The following ANK3 variants were observed in gnomAD, a reference collection of about 807,000 sequenced individuals.
ANK3 encodes the protein ankyrin-3.
In ANK3, 57 loss-of-function variants were observed where a neutral mutation model predicts 370.9. That is an observed-to-expected ratio of 0.15 (90% confidence interval 0.12 to 0.19). The LOEUF is 0.19. Among genes scored for constraint, ANK3 ranks in the 10% least tolerant of loss-of-function variants. The pLI is 1.00. For missense variants in ANK3, 4,439 were observed against 5,302.1 expected, an observed-to-expected ratio of 0.84 and a Z score of 5.06; for synonymous variants, 1,929 against 1,946.3, an observed-to-expected ratio of 0.99 and a Z score of 0.23.
At chr10:60,108,794 G>A in intron 27 of ANK3, 36 bp downstream of exon 27, 1 of 1,578,350 alleles carries the variant, frequency 6.3e-7, no homozygotes, top group South Asian at 1.1e-5. Context: ...AAGATGCATT[G>A]TGAGGGCCAA....
intron 2 of ANK3, among the ~76,000 whole-genome samples, chr10:60,559,161 T>C (rs1014721615): frequency 1.3e-5 from 2 of 152,140 alleles, no homozygotes; most frequent in East Asian, 3.9e-4. Context: ...GAACGGGTGG[T>C]GTTTGGTTAC....
intron 2 of ANK3, among the ~76,000 whole-genome samples, chr10:60,421,507 G>A (rs946893198): frequency 6.6e-6 from 1 of 151,940 alleles, no homozygotes; most frequent in South Asian, 2.1e-4. Context: ...GAGAAATCAG[G>A]TTTTGATTTC....
rs2062891794 is a variant in ANK3, at chr10:60,389,424, C to A, written c.114+1G>T. 3 of 1,613,580 alleles carry A rather than the reference C, an allele frequency of 1.9e-6. No individual in the cohort carries two copies. The highest frequency in any genetic ancestry group is 1.7e-6 in the Non-Finnish European group (2 of 1,179,766). On this transcript the variant is annotated splice_donor_variant, in intron 1 of 43. Transcript: ENST00000280772. LOFTEE classifies it high-confidence loss of function. ...ATATATGCTCTGGCATACATAGATACCTTTTTCTTCCGATCCCGGGACCGT... is the reference window on the plus strand; with the variant it reads ...ATATATGCTCTGGCATACATAGATAACTTTTTCTTCCGATCCCGGGACCGT...
At chr10:60,502,501 T>C (rs936517742) in intron 2 of ANK3, among the ~76,000 whole-genome samples, 1 of 152,140 alleles carries the variant, frequency 6.6e-6, no homozygotes, top group Non-Finnish European at 1.5e-5. Flanking sequence ...TGTAAAACAT[T>C]TGGCAGAATA....
At chr10:60,698,076 C>G (rs939545998) in intron 1 of ANK3, among the ~76,000 whole-genome samples, 5 of 152,048 alleles carry the variant, frequency 3.3e-5, no homozygotes, top group African/African-American at 1.2e-4. Flanking sequence ...CAAACCCCAT[C>G]AAAAAGTGGG....
At chr10:60,117,356 T>C (rs2093167063) in intron 25 of ANK3, among the ~76,000 whole-genome samples, 1 of 152,148 alleles carries the variant, frequency 6.6e-6, no homozygotes, top group African/African-American at 2.4e-5. Context: ...AAGAAAGCTC[T>C]AAGCGAGATG....
chr10:60,231,671 A>T (rs1464024158), intron 8 of ANK3, among the ~76,000 whole-genome samples: 1 of 152,110 alleles, frequency 6.6e-6, no homozygotes, highest in Non-Finnish European at 1.5e-5. Flanking sequence ...TCAGCAGGAG[A>T]GAAGGGACAT....
In ANK3 at chr10:60,240,306, A is replaced by ATATATATATTTT. The variant is rs11282162; in HGVS notation, c.799-5521_799-5520insAAAATATATATA. 1.5e-3 allele frequency among the ~76,000 whole-genome samples: 174 copies of ATATATATATTTT among 119,746 alleles called. 6 individuals carry two copies. Among genetic ancestry groups the ATATATATATTTT allele is most frequent in the Non-Finnish European group, 2.4e-3 (140 of 58,528 alleles). 78.6% of individuals were successfully genotyped at this position (119,746 alleles called of 152,430 possible). A position where few individuals can be genotyped will look rare whatever the true frequency, so the allele number is the denominator to read the frequency against. ...CATATATATATATATATATATATAT[A>ATATATATATTTT]TTTTTTTTTCTTTTTGAGATAGAGT... On this transcript the variant is annotated intron_variant, in intron 7 of 43. Coordinates refer to ENST00000280772, the MANE Select transcript of ANK3 (RefSeq NM_020987.5).
chr10:60,373,934 C>T (rs1453290934), intron 1 of ANK3, among the ~76,000 whole-genome samples: 1 of 152,138 alleles, frequency 6.6e-6, no homozygotes, highest in Non-Finnish European at 1.5e-5. Flanking sequence ...AAAAGAATTG[C>T]AGATGAGTTA....
intron 1 of ANK3, among the ~76,000 whole-genome samples, chr10:60,341,926 A>G (rs1468907243): frequency 3.3e-5 from 5 of 152,230 alleles, no homozygotes; most frequent in East Asian, 1.9e-4. Context: ...AAGTATCTCA[A>G]TGGTGGTTTA....
intron 1 of ANK3, among the ~76,000 whole-genome samples, chr10:60,625,355 T>C (rs1266201702): frequency 6.6e-6 from 1 of 152,196 alleles, no homozygotes; most frequent in Non-Finnish European, 1.5e-5. Context: ...TGTTATGTGG[T>C]AATAGACATT....
At chr10:60,356,133 A>G (rs1056131930) in intron 1 of ANK3, among the ~76,000 whole-genome samples, 3 of 152,160 alleles carry the variant, frequency 2.0e-5, no homozygotes, top group Admixed American at 2.0e-4. Flanking sequence ...AAATAATCTG[A>G]GGCATGGTGA....
At chr10:60,269,920 G>A (rs748214113) in intron 5 of ANK3, among the ~76,000 whole-genome samples, 5 of 151,898 alleles carry the variant, frequency 3.3e-5, no homozygotes, top group Admixed American at 6.6e-5. Context: ...GCATAGAATC[G>A]GGCATTTAAG....
intron 38 of ANK3, among the ~76,000 whole-genome samples, chr10:60,066,895 T>C (rs920930321): frequency 1.9e-4 from 29 of 152,186 alleles, no homozygotes; most frequent in African/African-American, 6.8e-4. Context: ...ATTTGTCCAA[T>C]TGATATGAAA....
intron 1 of ANK3, among the ~76,000 whole-genome samples, chr10:60,653,330 T>C (rs1008247783): frequency 1.3e-5 from 2 of 152,204 alleles, no homozygotes; most frequent in South Asian, 2.1e-4. Flanking sequence ...TTTTATAGTA[T>C]GGTATGGGGT....
intron 1 of ANK3, among the ~76,000 whole-genome samples, chr10:60,312,624 C>A (rs893502830): frequency 3.3e-5 from 5 of 152,146 alleles, no homozygotes; most frequent in African/African-American, 1.2e-4. Context: ...TGATAATGAA[C>A]CCATACAGGA....
At chr10:60,709,706 T>G (rs2079674573) in intron 1 of ANK3, among the ~76,000 whole-genome samples, 1 of 151,708 alleles carries the variant, frequency 6.6e-6, no homozygotes, top group Non-Finnish European at 1.5e-5. Context: ...CACATGCCTG[T>G]CATCCCAGTT....
chr10:60,696,361 C>T lies in ANK3; in HGVS notation c.57+36902G>A, dbSNP rs1046971956. On this transcript the variant is annotated intron_variant, in intron 1 of 43. Coordinates refer to the ANK3 transcript ENST00000373827. Reference sequence around the variant, plus strand: ...GGTACCATTCCTTCTGAAACTATTCCAATCAATAGAAAAAGAGGGAATCCT... The same window carrying T: ...GGTACCATTCCTTCTGAAACTATTCTAATCAATAGAAAAAGAGGGAATCCT... Among the ~76,000 whole-genome samples, 17 of 149,124 alleles carry T rather than the reference C, an allele frequency of 1.1e-4. No homozygotes were observed. In the South Asian group the frequency reaches 3.3e-3, roughly 29 times the overall value.
At chr10:60,610,058 G>A (rs2133316298) in intron 2 of ANK3, among the ~76,000 whole-genome samples, 1 of 152,034 alleles carries the variant, frequency 6.6e-6, no homozygotes, top group South Asian at 2.1e-4. Flanking sequence ...AGGAATAATA[G>A]TATTAATATA....
Sources: allele counts gnomAD v4.1 joint callset (sites outside exome capture counted in the v4.1 genomes callset), GRCh38; gene constraint gnomAD v4.1.1; transcripts MANE v1.5; gene names NCBI Gene and HGNC (gene_info 2026-07-23, HGNC 2026-07-21).